The following VWA5B1 variants were observed in gnomAD, a reference collection of about 807,000 sequenced individuals.
VWA5B1 encodes von Willebrand factor A domain-containing protein 5B1.
Under a neutral mutation model 118.2 loss-of-function variants are expected in VWA5B1, and 115 were observed. The observed-to-expected ratio is 0.97, with a 90% CI of 0.84 to 1.14. VWA5B1 has a LOEUF of 1.14. Ranked by LOEUF, VWA5B1 falls within the 50% of genes most tolerant of loss-of-function variation. VWA5B1 has a pLI of 0.00. For synonymous variants in VWA5B1, 682 were observed against 658.4 expected (o/e 1.04, Z -0.55); for missense variants, 1,596 against 1,603.8 (o/e 1.00, Z 0.08).
chr1:20,342,327 C>A, intron 14 of VWA5B1, 105 bp from the exon 15 acceptor site: 1 of 1,242,498 alleles, frequency 8.0e-7, no homozygotes, highest in Non-Finnish European at 1.1e-6. Context: ...GGTGGGGGAG[C>A]AGAAGGAAGG....
chr1:20,321,113 C>CAAAAAAAAAA (rs4062863), intron 7 of VWA5B1, among the ~76,000 whole-genome samples: 3 of 94,196 alleles, frequency 3.2e-5, no homozygotes, highest in African/African-American at 1.3e-4. Flanking sequence ...GTAACAGAGG[C>CAAAAAAAAAA]AAAAAAAAAA....
At chr1:20,346,979 C>A (rs1389694107) in intron 17 of VWA5B1, among the ~76,000 whole-genome samples, 5 of 152,178 alleles carry the variant, frequency 3.3e-5, no homozygotes, top group African/African-American at 1.2e-4. Flanking sequence ...ATTCATGTTG[C>A]AGGGATGAGC....
intron 4 of VWA5B1, among the ~76,000 whole-genome samples, chr1:20,316,232 G>A (rs139685432): frequency 5.9e-5 from 9 of 152,268 alleles, no homozygotes; most frequent in African/African-American, 1.9e-4. Flanking sequence ...GGCAATCCTC[G>A]GTGTGGCCTT....
Position 20,332,816 on chromosome 1 carries a change from T to A in VWA5B1, c.1623T>A (p.Thr541=), listed in dbSNP as rs201704760. The A allele has an allele frequency of 3.2e-6, 5 of 1,551,834 alleles. No individual in the cohort carries two copies. The South Asian group carries it at 4.8e-5, about 15-fold the overall frequency. The stretch of plus-strand genomic sequence containing the variant: ...TGGCCCCAGTCCTGAGCGATGTGAC[T>A]GTGGAGTGGATCTTCCCTGAGACCA... The part of the protein sequence containing the change: ...KAMAPVLSDV[T]VEWIFPETTE... Residue 541 remains threonine, a synonymous_variant, in exon 12 of 22, where the codon ACT becomes ACA. Transcript: ENST00000289815.
chr1:20,317,716 C>T (rs540121379), intron 5 of VWA5B1, 41 bp downstream of exon 5: 33 of 1,507,280 alleles, frequency 2.2e-5, no homozygotes, highest in South Asian at 5.0e-5. Context: ...GAGCTTCAGG[C>T]GAAAAGCCAA....
intron 18 of VWA5B1, 125 bp from the exon 19 acceptor site, chr1:20,350,031 G>T: frequency 1.1e-6 from 1 of 925,658 alleles, no homozygotes; most frequent in East Asian, 2.7e-5. Context: ...GAGCAGGGGT[G>T]GAAACCCTAG....
At chr1:20,291,327 A>C (rs2088294642) in intron 1 of VWA5B1, among the ~76,000 whole-genome samples, 1 of 137,944 alleles carries the variant, frequency 7.2e-6, no homozygotes, top group Admixed American at 7.0e-5. Flanking sequence ...ACTCAGGTCC[A>C]GCTCTCTCTC....
At chr1:20,330,798 C>T (rs111656947) in intron 10 of VWA5B1, 71 bp from the exon 11 acceptor site, 2 of 1,423,226 alleles carry the variant, frequency 1.4e-6, no homozygotes, top group South Asian at 1.2e-5. Flanking sequence ...ATGCTCTGTC[C>T]CTTTCTGCAT....
At chr1:20,333,050 A>G in intron 12 of VWA5B1, 99 bp downstream of exon 12, 1 of 1,393,392 alleles carries the variant, frequency 7.2e-7, no homozygotes, top group Non-Finnish European at 9.6e-7. Context: ...CTAGAAACCA[A>G]CTGGAAGTGG....
rs1256929118 is a variant in VWA5B1, at chr1:20,354,810, C to T, written c.*547C>T. 2.2e-5 allele frequency: 2 copies of T among 91,196 alleles called. No individual in the cohort carries two copies. Among genetic ancestry groups the T allele is most frequent in the East Asian group, 4.3e-4 (1 of 2,314 alleles). The allele number at this position is 91,196 out of a possible 1,614,324, so 5.6% of individuals were successfully genotyped here. ...TTGTCTCCATGGTAACAGCCAAGGA[C>T]CCCCCCTAAATCCCACTTAAAAGCC... On this transcript the variant is annotated 3_prime_UTR_variant, in exon 22 of 22. Transcript: ENST00000289815.
Position 20,349,538 on chromosome 1 carries a change from C to T in VWA5B1, c.2879-618C>T, listed in dbSNP as rs544420834. Among the ~76,000 whole-genome samples the T allele has an allele frequency of 2.0e-5, 3 of 152,074 alleles. No individual in the cohort carries two copies. The East Asian group carries it at 5.8e-4, about 30-fold the overall frequency. ...AGCTGAGACTACAGGCACCTGCCAC[C>T]ATGCCCCGCTCATTTTATATTTTTA... On this transcript the variant is annotated intron_variant, in intron 18 of 21. Transcript: ENST00000289815.
In VWA5B1 at chr1:20,304,938, T is replaced by C. The variant is rs76357533; in HGVS notation, c.-26-5638T>C. ...CCTCCGAGAGATGCTGAAAATCATA[T>C]ATGTAAAGCACTCAGTGGTATTTCA... On this transcript the variant is annotated intron_variant, in intron 1 of 21. Transcript: ENST00000289815. 7.2e-3 allele frequency among the ~76,000 whole-genome samples: 1,096 copies of C among 151,928 alleles called. 4 individuals carry two copies. The highest frequency in any genetic ancestry group is 0.012 in the Non-Finnish European group (805 of 67,950).
chr1:20,311,338 A>C (rs1411559950), intron 2 of VWA5B1, among the ~76,000 whole-genome samples: 1 of 152,178 alleles, frequency 6.6e-6, no homozygotes, highest in Non-Finnish European at 1.5e-5. Context: ...TTCTCCAGGG[A>C]GCCTCACAAG....
rs538508731 is a variant in VWA5B1 at position 20,342,667 on chromosome 1, G to T, written c.2311+58G>T. ...GGACAGGGAGGAATCACTGGCTGTTGTTCAACTTCAGATGACAGGCCCAGA... is the reference window on the plus strand; with the variant it reads ...GGACAGGGAGGAATCACTGGCTGTTTTTCAACTTCAGATGACAGGCCCAGA... On this transcript the variant is annotated intron_variant, in intron 15 of 21. Transcript: ENST00000289815. 9.8e-5 allele frequency: 141 copies of T among 1,439,300 alleles called. No homozygotes were observed. In the South Asian group the frequency reaches 1.9e-3, roughly 20 times the overall value. 89.2% of individuals were successfully genotyped at this position (1,439,300 alleles called of 1,614,324 possible).
rs2090280130 is a variant in VWA5B1 at position 20,359,179 on chromosome 1, C to A, written c.*4916C>A. On this transcript the variant is annotated 3_prime_UTR_variant, in exon 22 of 22. Transcript: ENST00000289815. ...GACACATGTGGTATAGTTTCACTAT[C>A]TGCCCAGGTGGCTTTGGCTCAAGTG... Among the ~76,000 whole-genome samples the A allele has an allele frequency of 6.6e-6, 1 of 152,238 alleles. No individual in the cohort carries two copies. The highest frequency in any genetic ancestry group is 6.5e-5 in the Admixed American group (1 of 15,278).
intron 2 of VWA5B1, among the ~76,000 whole-genome samples, chr1:20,311,087 C>T (rs1435855158): frequency 6.6e-6 from 1 of 152,238 alleles, no homozygotes; most frequent in Non-Finnish European, 1.5e-5. Context: ...ATTCTCCCAC[C>T]TCAGCCTCCC....
At chr1:20,315,585 T>A (rs1025436232) in intron 4 of VWA5B1, among the ~76,000 whole-genome samples, 2 of 152,182 alleles carry the variant, frequency 1.3e-5, no homozygotes, top group Non-Finnish European at 2.9e-5. Context: ...AGACACCATT[T>A]GTGGCCTGAC....
At chr1:20,311,823 C>A (rs1000203878) in intron 2 of VWA5B1, among the ~76,000 whole-genome samples, 4 of 152,182 alleles carry the variant, frequency 2.6e-5, no homozygotes, top group Non-Finnish European at 5.9e-5. Context: ...TGCAGGGAAA[C>A]TTTCTTTCCC....
rs554924090 is a variant in VWA5B1, at chr1:20,345,435, C to A, written c.2627-21C>A. On this transcript the variant is annotated intron_variant, in intron 16 of 21. Transcript: ENST00000289815. ...AAGACTTTCTGAGTCCAAACAGTGA[C>A]CCCAGTTTCTCCCTCCACAGGGTCC... is the stretch of plus-strand genomic sequence containing the variant. 1.0e-4 allele frequency: 155 copies of A among 1,550,686 alleles called. 1 individual carries two copies. In the African/African-American group the frequency reaches 1.8e-3, roughly 18 times the overall value.
Sources: allele counts gnomAD v4.1 joint callset (sites outside exome capture counted in the v4.1 genomes callset), GRCh38; gene constraint gnomAD v4.1.1; transcripts MANE v1.5; gene names NCBI Gene and HGNC (gene_info 2026-07-23, HGNC 2026-07-21).